THSD4: variants seen among roughly 807,000 people sequenced by gnomAD.
THSD4 encodes the protein thrombospondin type 1 domain containing 4.
In THSD4, 69 loss-of-function variants were observed where a neutral mutation model predicts 119.0. The ratio of observed to expected loss-of-function variants is 0.58; its 90% CI spans 0.48 to 0.71. THSD4 has a LOEUF of 0.71. Among genes scored for constraint, THSD4 ranks in the 30% least tolerant of loss-of-function variants. The pLI, the probability that THSD4 is intolerant of heterozygous loss-of-function variation, is 0.00. For missense variants in THSD4, 1,393 were observed against 1,391.1 expected, an observed-to-expected ratio of 1.00 and a Z score of -0.02; for synonymous variants, 524 against 540.4, an observed-to-expected ratio of 0.97 and a Z score of 0.42.
chr15:71,497,909 A>C (rs980350868), intron 7 of THSD4, among the ~76,000 whole-genome samples: 1 of 152,242 alleles, frequency 6.6e-6, no homozygotes, highest in South Asian at 2.1e-4. Context: ...CATTATCTTC[A>C]TATCATTTAC....
At chr15:71,425,984 G>A (rs757074363) in intron 7 of THSD4, among the ~76,000 whole-genome samples, 3 of 152,198 alleles carry the variant, frequency 2.0e-5, no homozygotes, top group Non-Finnish European at 4.4e-5. Flanking sequence ...TCGAGTCCTT[G>A]CAGAGCTGAT....
Position 71,642,105 on chromosome 15 carries a change from T to C in THSD4, c.1153-18425T>C, listed in dbSNP as rs372152363. Among the ~76,000 whole-genome samples the C allele has an allele frequency of 7.9e-5, 12 of 152,304 alleles. 1 individual carries two copies. The East Asian group carries it at 1.9e-3, about 24-fold the overall frequency. On this transcript the variant is annotated intron_variant, in intron 7 of 17. Transcript: ENST00000261862. ...AAGTCAGGATCATTCAGGGATGAAC[T>C]GGCTTCCTTAATGGGTGGAAGGCTG...
chr15:71,387,538 T>C (rs1237591171), intron 6 of THSD4, among the ~76,000 whole-genome samples: 1 of 152,214 alleles, frequency 6.6e-6, no homozygotes, highest in Non-Finnish European at 1.5e-5. Context: ...TTTTAGATTT[T>C]AGTCTTAGAA....
chr15:71,594,499 G>A (rs1410550242), intron 7 of THSD4, among the ~76,000 whole-genome samples: 1 of 152,142 alleles, frequency 6.6e-6, no homozygotes, highest in Non-Finnish European at 1.5e-5. Flanking sequence ...CCCTCTGTGA[G>A]CCAGCCTCTG....
At chr15:71,228,888 A>C (rs1002093659) in intron 4 of THSD4, among the ~76,000 whole-genome samples, 8 of 152,354 alleles carry the variant, frequency 5.3e-5, no homozygotes, top group African/African-American at 1.9e-4. Flanking sequence ...CTTGTGGGCC[A>C]CATGGATCCA....
At chr15:71,600,790 G>A (rs929015280) in intron 7 of THSD4, among the ~76,000 whole-genome samples, 24 of 148,214 alleles carry the variant, frequency 1.6e-4, no homozygotes, top group African/African-American at 5.8e-4. Context: ...CGCCTAGGCT[G>A]GACTGGAGTG....
At chr15:71,713,656 C>T (rs1421928142) in intron 8 of THSD4, among the ~76,000 whole-genome samples, 4 of 152,148 alleles carry the variant, frequency 2.6e-5, no homozygotes, top group Non-Finnish European at 5.9e-5. Flanking sequence ...TGAGCTTTGC[C>T]ACCAAATCGG....
intron 6 of THSD4, among the ~76,000 whole-genome samples, chr15:71,374,246 C>A (rs1047067800): frequency 6.6e-6 from 1 of 152,210 alleles, no homozygotes; most frequent in Non-Finnish European, 1.5e-5. Flanking sequence ...TTGCAAAGCA[C>A]TCAGTTCATT....
At chr15:71,588,321 AAG>A (rs940841794) in intron 7 of THSD4, among the ~76,000 whole-genome samples, 2 of 150,962 alleles carry the variant, frequency 1.3e-5, no homozygotes, top group African/African-American at 4.9e-5. Flanking sequence ...AAAAAAAAAA[AAG>A]AATCTTGTCA....
intron 6 of THSD4, among the ~76,000 whole-genome samples, chr15:71,356,592 G>A (rs2045814437): frequency 6.6e-6 from 1 of 152,138 alleles, no homozygotes; most frequent in South Asian, 2.1e-4. Context: ...GAAAAGGAGG[G>A]GAGGAAAGAG....
intron 6 of THSD4, among the ~76,000 whole-genome samples, chr15:71,279,187 CT>C (rs994398379): frequency 1.3e-5 from 2 of 152,122 alleles, no homozygotes; most frequent in African/African-American, 4.8e-5. Flanking sequence ...TTCACGTAGC[CT>C]CTTGATGCCA....
At position 71,746,787 on chromosome 15, in the gene THSD4, C is replaced by G; in HGVS notation, c.2037-51C>G. On this transcript the variant is annotated intron_variant, in intron 12 of 17. Transcript: ENST00000261862. ...CGCTGCTGCGGGCTCACGCTGACTTCCTGTTGACTGAAGGTTGTCTCTCAC... is the reference window on the plus strand; with the variant it reads ...CGCTGCTGCGGGCTCACGCTGACTTGCTGTTGACTGAAGGTTGTCTCTCAC... 3 of 1,590,516 alleles carry G rather than the reference C, an allele frequency of 1.9e-6. No individual in the cohort carries two copies. In the South Asian group the frequency reaches 3.3e-5, roughly 18 times the overall value.
At chr15:71,604,828 CAAAA>C (rs138151805) in intron 7 of THSD4, among the ~76,000 whole-genome samples, 2 of 145,970 alleles carry the variant, frequency 1.4e-5, no homozygotes, top group African/African-American at 2.5e-5. Flanking sequence ...AAAACAAAAA[CAAAA>C]AAAAAACCTG....
At chr15:71,282,040 A>G (rs1456372671) in intron 6 of THSD4, among the ~76,000 whole-genome samples, 2 of 152,244 alleles carry the variant, frequency 1.3e-5, no homozygotes, top group Non-Finnish European at 2.9e-5. Flanking sequence ...GGAGAAGATT[A>G]AATGAAATAG....
chr15:71,711,127 A>G (rs2052506643), intron 8 of THSD4, among the ~76,000 whole-genome samples: 1 of 150,136 alleles, frequency 6.7e-6, no homozygotes, highest in Admixed American at 6.7e-5. Context: ...GAGAATTTCA[A>G]TATATGTAGA....
At chr15:71,265,982 C>T (rs2044461251) in intron 6 of THSD4, among the ~76,000 whole-genome samples, 1 of 152,226 alleles carries the variant, frequency 6.6e-6, no homozygotes, top group Non-Finnish European at 1.5e-5. Flanking sequence ...ACAAAATCCC[C>T]ATCTCCCTGG....
chr15:71,676,111 T>C (rs563076672), intron 8 of THSD4, among the ~76,000 whole-genome samples: 2 of 152,186 alleles, frequency 1.3e-5, no homozygotes, highest in Non-Finnish European at 2.9e-5. Flanking sequence ...TTTAAAAGAG[T>C]ATCCAGCTCT....
rs374852704 is a variant in THSD4, at chr15:71,324,432, G to A, written c.1015+67717G>A. Reference sequence around the variant, plus strand: ...CTGAGTAGTGTACATTGTACCCAATGTGTACTTTTTTTCTTCCTTGCTCTC... The same window carrying A: ...CTGAGTAGTGTACATTGTACCCAATATGTACTTTTTTTCTTCCTTGCTCTC... On this transcript the variant is annotated intron_variant, in intron 6 of 17. Transcript: ENST00000261862. 1.3e-3 allele frequency among the ~76,000 whole-genome samples: 197 copies of A among 152,240 alleles called. 12 individuals are homozygous for A. In the South Asian group the frequency reaches 0.04, roughly 31 times the overall value.
chr15:71,373,224 C>T lies in THSD4; in HGVS notation c.1016-38463C>T, dbSNP rs567714151. ...GCAAGTGGATGGATTAAAAATAATT[C>T]TTAATAATTTCTAGTTTTATTGCTT... is the stretch of plus-strand genomic sequence containing the variant. On this transcript the variant is annotated intron_variant, in intron 6 of 17. Transcript: ENST00000261862. Among the ~76,000 whole-genome samples the T allele has an allele frequency of 2.3e-4, 35 of 152,248 alleles. 1 individual carries two copies. The South Asian group carries it at 7.3e-3, about 32-fold the overall frequency.
Sources: allele counts gnomAD v4.1 joint callset (sites outside exome capture counted in the v4.1 genomes callset), GRCh38; gene constraint gnomAD v4.1.1; transcripts MANE v1.5; gene names NCBI Gene and HGNC (gene_info 2026-07-23, HGNC 2026-07-21).